The following GAB2 variants were observed in gnomAD, a reference collection of about 807,000 sequenced individuals.
GAB2 encodes GRB2-associated-binding protein 2.
GAB2 carries 26 observed loss-of-function variants against 65.5 expected under a neutral mutation model. That is an observed-to-expected ratio of 0.40 (90% CI 0.29 to 0.55). The LOEUF is 0.55. Among genes scored for constraint, GAB2 ranks in the 20% least tolerant of loss-of-function variants. The pLI is 0.53. For missense variants in GAB2, 884 were observed against 875.8 expected (o/e 1.01, Z -0.12); for synonymous variants, 321 against 329.6 (o/e 0.97, Z 0.28).
chr11:78,383,438 CTTTTTTT>C (rs199986722), intron 1 of GAB2, among the ~76,000 whole-genome samples: 2 of 148,892 alleles, frequency 1.3e-5, no homozygotes. Flanking sequence ...ATGTCTTTTT[CTTTTTTT>C]TTAAGACGTG....
At chr11:78,399,024 A>G (rs1856937315) in intron 1 of GAB2, among the ~76,000 whole-genome samples, 2 of 152,226 alleles carry the variant, frequency 1.3e-5, no homozygotes, top group Admixed American at 1.3e-4. Context: ...GCTTATAATG[A>G]TACTAAAAAA....
At chr11:78,348,349 G>A (rs1856222982) in intron 1 of GAB2, among the ~76,000 whole-genome samples, 1 of 152,168 alleles carries the variant, frequency 6.6e-6, no homozygotes, top group African/African-American at 2.4e-5. Context: ...ATCTTACAAA[G>A]AACTGGTATC....
At chr11:78,414,117 A>G (rs538300165) in intron 1 of GAB2, among the ~76,000 whole-genome samples, 3 of 151,758 alleles carry the variant, frequency 2.0e-5, no homozygotes, top group African/African-American at 7.2e-5. Context: ...AGGAAGAAAG[A>G]AAGGAACTAT....
chr11:78,304,344 C>T (rs1251067581), intron 1 of GAB2, among the ~76,000 whole-genome samples: 1 of 151,618 alleles, frequency 6.6e-6, no homozygotes, highest in South Asian at 2.1e-4. Context: ...CAATCCCATA[C>T]CCATTAGTCA....
intron 2 of GAB2, among the ~76,000 whole-genome samples, chr11:78,276,795 T>C (rs1223348515): frequency 6.6e-6 from 1 of 151,190 alleles, no homozygotes; most frequent in Non-Finnish European, 1.5e-5. Flanking sequence ...CTTTTAAATA[T>C]GTGATTTTTA....
At chr11:78,248,334 G>A (rs1041745377) in intron 3 of GAB2, among the ~76,000 whole-genome samples, 1 of 152,142 alleles carries the variant, frequency 6.6e-6, no homozygotes, top group Non-Finnish European at 1.5e-5. Flanking sequence ...GGTGGTGGCG[G>A]CAATTGTTAC....
intron 1 of GAB2, among the ~76,000 whole-genome samples, chr11:78,294,865 C>T (rs1010349623): frequency 2.0e-5 from 3 of 152,080 alleles, no homozygotes; most frequent in African/African-American, 7.2e-5. Flanking sequence ...AAAGCAATGG[C>T]AACAAAAGCC....
Position 78,227,674 on chromosome 11 carries a change from C to A in GAB2, c.621-623G>T, listed in dbSNP as rs1441689138. ...AACTAGCTGGGCAGGGTGCTGCACA[C>A]CTGTAGTCCTAGCTTCTGGTGAGGC... On this transcript the variant is annotated intron_variant, in intron 3 of 9. Coordinates refer to ENST00000361507, the MANE Select transcript of GAB2 (RefSeq NM_080491.3). Among the ~76,000 whole-genome samples, 10 of 147,696 alleles carry A rather than the reference C, an allele frequency of 6.8e-5. No homozygotes were observed. In the East Asian group the frequency reaches 1.6e-3, roughly 24 times the overall value.
At chr11:78,341,439 G>A (rs949919605) in intron 1 of GAB2, among the ~76,000 whole-genome samples, 2 of 152,158 alleles carry the variant, frequency 1.3e-5, no homozygotes, top group Non-Finnish European at 2.9e-5. Context: ...TAGATGTGCT[G>A]AGCTGAATCA....
intron 1 of GAB2, among the ~76,000 whole-genome samples, chr11:78,341,609 C>T (rs1856096211): frequency 1.3e-5 from 2 of 152,322 alleles, no homozygotes; most frequent in South Asian, 4.1e-4. Flanking sequence ...TAATGCCTAT[C>T]CTCACGAATC....
intron 1 of GAB2, among the ~76,000 whole-genome samples, chr11:78,405,374 T>C (rs1427792072): frequency 6.6e-6 from 1 of 152,136 alleles, no homozygotes; most frequent in Non-Finnish European, 1.5e-5. Context: ...GCTGGGATTA[T>C]AGGCGTGAGC....
intron 1 of GAB2, among the ~76,000 whole-genome samples, chr11:78,356,182 G>GAC (rs1856356425): frequency 8.1e-6 from 1 of 123,018 alleles, no homozygotes; most frequent in South Asian, 2.6e-4. Context: ...CAAAAAAAAA[G>GAC]AAAAAAAAAA....
intron 1 of GAB2, among the ~76,000 whole-genome samples, chr11:78,386,991 T>C (rs574804973): frequency 6.6e-6 from 1 of 152,322 alleles, no homozygotes; most frequent in Non-Finnish European, 1.5e-5. Flanking sequence ...ACATGTTTTG[T>C]TAGATTTAGA....
At chr11:78,278,256 G>A (rs1866230443) in intron 2 of GAB2, among the ~76,000 whole-genome samples, 1 of 151,944 alleles carries the variant, frequency 6.6e-6, no homozygotes, top group Non-Finnish European at 1.5e-5. Context: ...TTGTAGTAGA[G>A]ATGGGGTTTC....
chr11:78,277,551 A>G (rs1031638737), intron 2 of GAB2, among the ~76,000 whole-genome samples: 10 of 152,252 alleles, frequency 6.6e-5, no homozygotes, highest in African/African-American at 2.2e-4. Context: ...AAGCACGCAC[A>G]CTATGAGGCA....
chr11:78,329,185 T>C (rs1855874103), intron 1 of GAB2, among the ~76,000 whole-genome samples: 1 of 152,148 alleles, frequency 6.6e-6, no homozygotes, highest in South Asian at 2.1e-4. Flanking sequence ...ATGTTTGAAA[T>C]TTTTCATTTA....
At chr11:78,268,444 C>G (rs1386035730) in intron 2 of GAB2, among the ~76,000 whole-genome samples, 1 of 152,174 alleles carries the variant, frequency 6.6e-6, no homozygotes, top group East Asian at 1.9e-4. Context: ...CCACTAAATA[C>G]AAAGTTCTAA....
chr11:78,263,289 C>T (rs1417613740), intron 2 of GAB2, among the ~76,000 whole-genome samples: 3 of 152,098 alleles, frequency 2.0e-5, no homozygotes, highest in Non-Finnish European at 2.9e-5. Context: ...TTAGAGCACA[C>T]CTTAGGCACA....
At chr11:78,358,520 T>G (rs919802495) in intron 1 of GAB2, among the ~76,000 whole-genome samples, 1 of 147,286 alleles carries the variant, frequency 6.8e-6, no homozygotes, top group East Asian at 2.0e-4. Context: ...TTCCTAAAAG[T>G]CTGTAATCAA....
Sources: gnomAD v4.1 joint callset for allele counts (sites outside exome capture counted in the v4.1 genomes callset) on GRCh38, gnomAD v4.1.1 for gene constraint, MANE v1.5 for transcripts, NCBI Gene and HGNC (gene_info 2026-07-23, HGNC 2026-07-21) for gene names.